HYDIN: variants seen among roughly 807,000 people sequenced by gnomAD.
The protein encoded by HYDIN is HYDIN axonemal central pair apparatus protein, also known as axonemal central pair apparatus protein HYDIN.
Under a neutral mutation model 403.9 loss-of-function variants are expected in HYDIN, and 132 were observed. The ratio of observed to expected loss-of-function variants is 0.33; its 90% confidence interval spans 0.28 to 0.38. The LOEUF is 0.38. Ranked by LOEUF, HYDIN falls within the 10% of genes least tolerant of loss-of-function variation. HYDIN has a pLI of 1.00. For synonymous variants in HYDIN, 1,202 were observed against 1,891.7 expected (o/e 0.64, Z 9.46); for missense variants, 2,827 against 5,009.5 (o/e 0.56, Z 13.15).
At chr16:70,892,553 A>G in intron 55 of HYDIN, 24 bp from the exon 56 acceptor site, 1 of 1,595,484 alleles carries the variant, frequency 6.3e-7, no homozygotes, top group East Asian at 2.2e-5. Context: ...ATAAGAAGTC[A>G]GCCTAGGTCA....
intron 18 of HYDIN, among the ~76,000 whole-genome samples, chr16:71,040,048 A>G (rs2081233858): frequency 6.6e-6 from 1 of 151,228 alleles, no homozygotes; most frequent in African/African-American, 2.4e-5. Flanking sequence ...CAGGGCTTGC[A>G]TGTAGTTTGC....
chr16:71,063,822 G>A (rs891492764), intron 16 of HYDIN, among the ~76,000 whole-genome samples: 20 of 152,032 alleles, frequency 1.3e-4, no homozygotes, highest in East Asian at 5.8e-4. Flanking sequence ...TGGTTACTGC[G>A]AACATGGTGC....
At chr16:70,955,732 G>A (rs2078213878) in intron 39 of HYDIN, among the ~76,000 whole-genome samples, 184 bp from the exon 40 acceptor site, 2 of 152,094 alleles carry the variant, frequency 1.3e-5, no homozygotes, top group Non-Finnish European at 2.9e-5. Context: ...CAGGGCTGTG[G>A]GTCTGATTCT....
intron 54 of HYDIN, among the ~76,000 whole-genome samples, chr16:70,895,728 T>C (rs556806227): frequency 1.3e-5 from 2 of 151,916 alleles, no homozygotes. Context: ...AGGTGTTTAC[T>C]GTAAATGACT....
In HYDIN at chr16:70,894,316, C is replaced by T. The variant is rs544099595; in HGVS notation, c.9248+133G>A. The T allele has an allele frequency of 4.1e-5, 47 of 1,158,238 alleles. No individual in the cohort carries two copies. In the African/African-American group the frequency reaches 5.5e-4, roughly 13 times the overall value. The allele number at this position is 1,158,238 out of a possible 1,614,324, so 71.7% of individuals were successfully genotyped here. ...GACTGACTGATAAGTTTCCCAGACA[C>T]GCTATTCCCCACGGTGGACTTGACG... On this transcript the variant is annotated intron_variant, in intron 55 of 85. Transcript: ENST00000393567.
chr16:71,172,194 C>A (rs2086492268), intron 5 of HYDIN, among the ~76,000 whole-genome samples: 1 of 152,170 alleles, frequency 6.6e-6, no homozygotes, highest in Non-Finnish European at 1.5e-5. Flanking sequence ...ATTTTGACAA[C>A]AAATTAGACA....
rs1416469526 is a variant in HYDIN, at chr16:71,008,462, T to C, written c.3644+9667A>G. Among the ~76,000 whole-genome samples, 3 of 152,212 alleles carry C rather than the reference T, an allele frequency of 2.0e-5. No homozygotes were observed. In the East Asian group the frequency reaches 5.8e-4, roughly 29 times the overall value. On this transcript the variant is annotated intron_variant, in intron 23 of 85. Transcript: ENST00000393567. ...GTGGGTACTCAATCATAGTTACTGCTATTGGTCAAGATTACGGCAGCTTCC... is the reference window on the plus strand; with the variant it reads ...GTGGGTACTCAATCATAGTTACTGCCATTGGTCAAGATTACGGCAGCTTCC...
chr16:71,139,276 TG>T (rs113683375), intron 7 of HYDIN, among the ~76,000 whole-genome samples: 31 of 151,704 alleles, frequency 2.0e-4, no homozygotes, highest in African/African-American at 4.1e-4. Context: ...CTCAATTTTT[TG>T]GGGGGGGAAA....
intron 75 of HYDIN, among the ~76,000 whole-genome samples, chr16:70,845,835 G>A (rs533155341): frequency 7.3e-6 from 1 of 136,782 alleles, no homozygotes; most frequent in South Asian, 2.1e-4. Flanking sequence ...GCGTAGAGGT[G>A]TTTGTAGTAT....
chr16:70,879,553 G>A lies in HYDIN; in HGVS notation c.10367+52C>T. ...GTGGGAATGACACTCCCTACAGAGT[G>A]TGGCCTGCAGTCCTGCTGCAGGAGA... On this transcript the variant is annotated intron_variant, in intron 61 of 85. Coordinates refer to ENST00000393567, the MANE Select transcript of HYDIN (RefSeq NM_001270974.2). The A allele has an allele frequency of 5.6e-6, 9 of 1,606,494 alleles. No individual in the cohort carries two copies. In the South Asian group the frequency reaches 7.7e-5, roughly 14 times the overall value.
At chr16:71,228,471 A>G (rs1278005635) in intron 1 of HYDIN, among the ~76,000 whole-genome samples, 2 of 152,250 alleles carry the variant, frequency 1.3e-5, no homozygotes, top group Non-Finnish European at 2.9e-5. Context: ...ACAAGAAAAA[A>G]ACAAACCCAT....
chr16:70,902,705 T>C (rs998326314), intron 52 of HYDIN, among the ~76,000 whole-genome samples: 8 of 148,136 alleles, frequency 5.4e-5, no homozygotes, highest in Non-Finnish European at 1.2e-4. Context: ...GCTATAACTA[T>C]ATTTATCCAG....
intron 41 of HYDIN, among the ~76,000 whole-genome samples, chr16:70,946,833 G>C (rs1259066295): frequency 1.3e-5 from 2 of 152,208 alleles, no homozygotes; most frequent in Non-Finnish European, 1.5e-5. Flanking sequence ...AGAAGCAAGA[G>C]TGTTGGATTA....
chr16:71,213,635 T>C (rs1308342290), intron 1 of HYDIN, among the ~76,000 whole-genome samples: 1 of 152,136 alleles, frequency 6.6e-6, no homozygotes, highest in Non-Finnish European at 1.5e-5. Flanking sequence ...TGTAAAGTTA[T>C]ATTAACATTA....
chr16:71,229,757 T>C (rs2041197631), intron 1 of HYDIN, among the ~76,000 whole-genome samples: 1 of 152,240 alleles, frequency 6.6e-6, no homozygotes, highest in South Asian at 2.1e-4. Context: ...GGGCATTGAC[T>C]ACAATGAGGT....
chr16:71,016,233 G>T (rs1303686962), intron 23 of HYDIN, among the ~76,000 whole-genome samples: 2 of 151,798 alleles, frequency 1.3e-5, no homozygotes, highest in East Asian at 3.9e-4. Context: ...TCTGATAAGG[G>T]GTTAATCTCC....
intron 6 of HYDIN, among the ~76,000 whole-genome samples, chr16:71,159,818 A>G (rs1193503802): frequency 2.0e-5 from 3 of 152,030 alleles, no homozygotes; most frequent in Admixed American, 1.3e-4. Context: ...CTATATGGTG[A>G]AAAAAAATAT....
chr16:70,857,003 T>C (rs1269978556), intron 72 of HYDIN, among the ~76,000 whole-genome samples: 2 of 150,224 alleles, frequency 1.3e-5, no homozygotes, highest in African/African-American at 4.9e-5. Context: ...ACAGCAGAGA[T>C]GTCACAACCA....
intron 18 of HYDIN, among the ~76,000 whole-genome samples, chr16:71,056,127 G>GC (rs1555627059): frequency 2.8e-5 from 3 of 106,252 alleles, no homozygotes; most frequent in South Asian, 3.3e-4. Flanking sequence ...TCTGAGATTT[G>GC]TTTTTTTTTT....
Sources: gnomAD v4.1 joint callset for allele counts (sites outside exome capture counted in the v4.1 genomes callset) on GRCh38, gnomAD v4.1.1 for gene constraint, MANE v1.5 for transcripts, NCBI Gene and HGNC (gene_info 2026-07-23, HGNC 2026-07-21) for gene names.